The following DOP1A variants were observed in gnomAD, a reference collection of about 807,000 sequenced individuals.
DOP1A encodes the protein DOP1 leucine zipper like protein A, also known as protein DOP1A.
In DOP1A, 90 loss-of-function variants were observed where a neutral mutation model predicts 267.6. The ratio of observed to expected loss-of-function variants is 0.34; its 90% confidence interval spans 0.28 to 0.40. The LOEUF (loss-of-function observed/expected upper bound fraction) is 0.40. Ranked by LOEUF, DOP1A falls within the 10% of genes least tolerant of loss-of-function variation. The probability of loss-of-function intolerance (pLI) is 1.00; values close to 1 mark genes in which losing one functional copy is unlikely to be tolerated. For synonymous variants in DOP1A, 932 were observed against 999.1 expected, an observed-to-expected ratio of 0.93 and a Z score of 1.27; for missense variants, 2,437 against 2,900.4, an observed-to-expected ratio of 0.84 and a Z score of 3.67.
chr6:83,157,439 A>T, intron 35 of DOP1A, 121 bp downstream of exon 35: 1 of 1,043,802 alleles, frequency 9.6e-7, no homozygotes, highest in South Asian at 1.4e-5. Context: ...TAAACCAGTT[A>T]CTGATGCTTT....
chr6:83,102,606 A>C (rs1254300870), intron 4 of DOP1A, among the ~76,000 whole-genome samples: 1 of 152,206 alleles, frequency 6.6e-6, no homozygotes, highest in Non-Finnish European at 1.5e-5. Flanking sequence ...CATCATCTCT[A>C]GCTCAGGCTT....
chr6:83,152,416 A>T, intron 30 of DOP1A, 49 bp downstream of exon 30: 1 of 871,874 alleles, frequency 1.1e-6, no homozygotes, highest in South Asian at 2.7e-5. Flanking sequence ...CTGTTTCATT[A>T]TTAAAAATTA....
chr6:83,082,238 A>G (rs982861041), intron 1 of DOP1A, among the ~76,000 whole-genome samples: 1 of 152,366 alleles, frequency 6.6e-6, no homozygotes, highest in East Asian at 1.9e-4. Flanking sequence ...CAGTATTCAC[A>G]TAGCCAAGAT....
chr6:83,139,205 C>A, intron 21 of DOP1A, 43 bp downstream of exon 21: 1 of 1,409,148 alleles, frequency 7.1e-7, no homozygotes, highest in Non-Finnish European at 9.9e-7. Context: ...ACATTTTTCA[C>A]ATATATGACT....
chr6:83,094,383 A>G (rs1243618183), intron 1 of DOP1A, among the ~76,000 whole-genome samples: 1 of 152,204 alleles, frequency 6.6e-6, no homozygotes, highest in Non-Finnish European at 1.5e-5. Flanking sequence ...TTTTGAGTGT[A>G]CATATATTTT....
At chr6:83,122,813 A>G in intron 11 of DOP1A, 50 bp from the exon 12 acceptor site, 1 of 1,351,454 alleles carries the variant, frequency 7.4e-7, no homozygotes, top group Non-Finnish European at 9.7e-7. Flanking sequence ...AAATTTGAAA[A>G]AACAAATGTT....
intron 12 of DOP1A, 116 bp downstream of exon 12, chr6:83,123,098 C>T: frequency 1.8e-6 from 2 of 1,104,140 alleles, no homozygotes; most frequent in Non-Finnish European, 2.5e-6. Flanking sequence ...CTAATAATAA[C>T]TGTTACTTAC....
At chr6:83,157,108 C>A in intron 34 of DOP1A, 74 bp from the exon 35 acceptor site, 1 of 1,464,548 alleles carries the variant, frequency 6.8e-7, no homozygotes, top group Non-Finnish European at 9.3e-7. Context: ...TTTGAGAGTA[C>A]TGGACCGACA....
intron 38 of DOP1A, chr6:83,165,961 G>T: frequency 5.9e-6 from 2 of 338,974 alleles, no homozygotes; most frequent in South Asian, 5.6e-5. Context: ...CAATGACCAT[G>T]ACCATTTTTT....
Position 83,067,788 on chromosome 6 carries a change from G to C in DOP1A, c.-147+9G>C, listed in dbSNP as rs149871760. 2 of 152,426 alleles carry C rather than the reference G, an allele frequency of 1.3e-5. No individual in the cohort carries two copies. Among genetic ancestry groups the C allele is most frequent in the Non-Finnish European group, 2.9e-5 (2 of 68,084 alleles). 9.4% of individuals were successfully genotyped at this position (152,426 alleles called of 1,614,324 possible). A position where few individuals can be genotyped will look rare whatever the true frequency, so the allele number is the denominator to read the frequency against. Reference sequence around the variant, plus strand: ...GGCCGAGCCAGCAGCAGGTAAAAGCGTCCCTGCCCCCAGTGCGGCCGCTAG... The same window carrying C: ...GGCCGAGCCAGCAGCAGGTAAAAGCCTCCCTGCCCCCAGTGCGGCCGCTAG... On this transcript the variant is annotated intron_variant, in intron 1 of 38. Transcript: ENST00000349129.
At chr6:83,098,116 C>T (rs904449287) in intron 3 of DOP1A, among the ~76,000 whole-genome samples, 2 of 151,966 alleles carry the variant, frequency 1.3e-5, no homozygotes, top group Non-Finnish European at 2.9e-5. Flanking sequence ...AACTCTTGGC[C>T]TCAAATGATC....
At chr6:83,078,345 A>T (rs1031148377) in intron 1 of DOP1A, among the ~76,000 whole-genome samples, 3 of 152,246 alleles carry the variant, frequency 2.0e-5, no homozygotes, top group African/African-American at 7.2e-5. Context: ...TCCAGGGATT[A>T]TCAAATGTAC....
chr6:83,142,290 A>G (rs1779776741), intron 24 of DOP1A, among the ~76,000 whole-genome samples: 1 of 152,042 alleles, frequency 6.6e-6, no homozygotes, highest in African/African-American at 2.4e-5. Context: ...AGGGCGGATC[A>G]TGAGGTCAGG....
chr6:83,145,735 A>C (rs1348090045), intron 25 of DOP1A, 77 bp downstream of exon 25: 50 of 1,442,104 alleles, frequency 3.5e-5, no homozygotes, highest in Non-Finnish European at 4.7e-5. Flanking sequence ...TTTTTGTACA[A>C]TAATGTCCTT....
At chr6:83,095,878 T>G (rs1292035711) in intron 1 of DOP1A, among the ~76,000 whole-genome samples, 2 of 152,140 alleles carry the variant, frequency 1.3e-5, no homozygotes, top group African/African-American at 4.8e-5. Context: ...GAGACCTGCC[T>G]TCTCCATAGG....
At chr6:83,105,650 A>G (rs919610017) in intron 4 of DOP1A, among the ~76,000 whole-genome samples, 3 of 152,172 alleles carry the variant, frequency 2.0e-5, no homozygotes, top group South Asian at 2.1e-4. Context: ...GGCGTGAGCC[A>G]CTGCGCCCAG....
chr6:83,107,928 T>G (rs745429869), intron 4 of DOP1A, among the ~76,000 whole-genome samples: 7 of 152,136 alleles, frequency 4.6e-5, no homozygotes, highest in Non-Finnish European at 1.0e-4. Flanking sequence ...TACAGAGATA[T>G]GTAGTAGCCA....
rs1770909929 is a variant in DOP1A at position 83,093,735 on chromosome 6, A to G, written c.-146-2996A>G. ...AGCCTGGCCAGCGTGGTGAAACCCCATCTCTACTAAAAATACAAAAATTAG... is the reference window on the plus strand; with the variant it reads ...AGCCTGGCCAGCGTGGTGAAACCCCGTCTCTACTAAAAATACAAAAATTAG... On this transcript the variant is annotated intron_variant, in intron 1 of 38. Transcript: ENST00000349129. 2.0e-5 allele frequency among the ~76,000 whole-genome samples: 3 copies of G among 152,066 alleles called. No homozygotes were observed. In the South Asian group the frequency reaches 6.2e-4, roughly 32 times the overall value.
chr6:83,167,105 A>G lies in DOP1A; in HGVS notation c.7093-757A>G, dbSNP rs935890605. ...AATTATTAGTCTTTATATTTAGTTG[A>G]CAGAGTTTTCACATACCTTCTCATT... On this transcript the variant is annotated intron_variant, in intron 38 of 38. Transcript: ENST00000349129. 1.1e-5 allele frequency: 11 copies of G among 980,962 alleles called. No individual in the cohort carries two copies. The African/African-American group carries it at 1.8e-4, about 16-fold the overall frequency. 60.8% of individuals were successfully genotyped at this position (980,962 alleles called of 1,614,324 possible).
Sources: allele counts gnomAD v4.1 joint callset (sites outside exome capture counted in the v4.1 genomes callset), GRCh38; gene constraint gnomAD v4.1.1; transcripts MANE v1.5; gene names NCBI Gene and HGNC (gene_info 2026-07-23, HGNC 2026-07-21).